IGFBP6: variants seen among roughly 807,000 people sequenced by gnomAD.
IGFBP6 encodes the protein insulin like growth factor binding protein 6.
IGFBP6 carries 24 observed loss-of-function variants against 24.5 expected under a neutral mutation model. The ratio of observed to expected loss-of-function variants is 0.98; its 90% CI spans 0.71 to 1.38. IGFBP6 has a LOEUF of 1.38. IGFBP6 is among the 40% of genes most tolerant of loss of function. IGFBP6 has a pLI of 0.00. For synonymous variants in IGFBP6, 147 were observed against 137.4 expected (o/e 1.07, Z -0.49); for missense variants, 331 against 324.8 (o/e 1.02, Z -0.15).
Position 53,098,036 on chromosome 12 carries a change from G to A in IGFBP6, c.319G>A (p.Ala107Thr), listed in dbSNP as rs1398894982. The stretch of plus-strand genomic sequence containing the variant: ...GCTCGGCCGAGGCCGCTGCCTTCCG[G>A]CCCGCGCGCCTGCTGGTGAGTCCGC... ...LLLGRGRCLP[A>T]RAPAVAEENP... The change falls in exon 1 of 4, where the codon GCC becomes ACC. Residue 107 changes from alanine to threonine, a missense_variant. Coordinates refer to ENST00000301464, the MANE Select transcript of IGFBP6 (RefSeq NM_002178.3). The A allele has an allele frequency of 2.0e-6, 3 of 1,466,528 alleles. No individual in the cohort carries two copies. The highest frequency in any genetic ancestry group is 2.7e-5 in the South Asian group (2 of 73,310). The allele number at this position is 1,466,528 out of a possible 1,614,324, so 90.8% of individuals were successfully genotyped here.
In IGFBP6 at chr12:53,098,015, G is replaced by T. The variant is rs1047815245; in HGVS notation, c.298G>T (p.Gly100Cys). The change falls in exon 1 of 4, where the codon GGC (glycine) becomes TGC (cysteine). Residue 100 changes from glycine (G) to cysteine (C), a missense_variant. Gly to Cys is a radical substitution (Grantham distance 159). Coordinates refer to ENST00000301464, the MANE Select transcript of IGFBP6 (RefSeq NM_002178.3). ...DEAPLRALLL[G>C]RGRCLPARAP... ...GGCGCCTTTGCGGGCGCTGCTGCTC[G>T]GCCGAGGCCGCTGCCTTCCGGCCCG... 1 of 1,501,930 alleles carries T rather than the reference G, an allele frequency of 6.7e-7. No homozygotes were observed. Among genetic ancestry groups the T allele is most frequent in the Non-Finnish European group, 8.8e-7 (1 of 1,133,890 alleles). 93.0% of individuals were successfully genotyped at this position (1,501,930 alleles called of 1,614,324 possible).
In IGFBP6 at chr12:53,102,081, TG is replaced by T; in HGVS notation, c.639del (p.Trp213CysfsTer33). On this transcript the variant is annotated frameshift_variant, in exon 4 of 4. Coordinates refer to ENST00000301464, the MANE Select transcript of IGFBP6 (RefSeq NM_002178.3). LOFTEE classifies it high-confidence loss of function. ...CCAGGGGCAGCGCCGAGGTCCCTGC[TG>T]GTGTGTGGATCGGATGGGCAAGTCC... ...SSQGQRRGPC[W>X]CVDRMGKSLP... 1.2e-6 allele frequency: 2 copies of T among 1,613,986 alleles called. No individual in the cohort carries two copies. Among genetic ancestry groups the T allele is most frequent in the Non-Finnish European group, 1.7e-6 (2 of 1,179,986 alleles).
chr12:53,101,008 G>A, intron 2 of IGFBP6, 33 bp from the exon 3 acceptor site: 1 of 1,609,536 alleles, frequency 6.2e-7, no homozygotes, highest in South Asian at 1.1e-5. Context: ...CTGGGCTGGA[G>A]CGGTTCTAAG....
chr12:53,101,829 G>A (rs567504407), intron 3 of IGFBP6, among the ~76,000 whole-genome samples: 9 of 149,778 alleles, frequency 6.0e-5, no homozygotes, highest in African/African-American at 7.4e-5. Flanking sequence ...AACCTGGGAG[G>A]TGGAGGTTGC....
Position 53,102,125 on chromosome 12 carries a change from T to C in IGFBP6, c.681T>C (p.Asp227=). ...RMGKSLPGSP[D]GNGSSSCPTG... is the part of the protein sequence containing the mutation. ...GCAAGTCCCTGCCAGGGTCTCCAGA[T>C]GGCAATGGAAGCTCCTCCTGCCCCA... is the stretch of plus-strand genomic sequence containing the variant. The change falls in exon 4 of 4, where the codon GAT becomes GAC. Residue 227 remains aspartate, a synonymous_variant. Transcript: ENST00000301464. 6.2e-7 allele frequency: 1 copy of C among 1,613,924 alleles called. No individual in the cohort carries two copies. Among genetic ancestry groups the C allele is most frequent in the Non-Finnish European group, 8.5e-7 (1 of 1,179,956 alleles).
At chr12:53,101,209 G>A (rs777343040) in intron 3 of IGFBP6, 49 bp downstream of exon 3, 10 of 1,600,668 alleles carry the variant, frequency 6.2e-6, no homozygotes, top group Non-Finnish European at 8.6e-6. Context: ...GCTCCTGCCA[G>A]GGAGTGGGGG....
intron 1 of IGFBP6, among the ~76,000 whole-genome samples, chr12:53,099,574 A>T (rs187479804): frequency 6.6e-6 from 1 of 152,010 alleles, no homozygotes; most frequent in Non-Finnish European, 1.5e-5. Context: ...CCCCCCTCCT[A>T]CATCCGTTGC....
chr12:53,101,926 A>ATT, intron 3 of IGFBP6, 119 bp from the exon 4 acceptor site: 2 of 611,730 alleles, frequency 3.3e-6, no homozygotes, highest in Non-Finnish European at 5.3e-6. Context: ...AAAAAAAAAG[A>ATT]GAGGGAACCC....
At chr12:53,101,636 A>T (rs1937829485) in intron 3 of IGFBP6, among the ~76,000 whole-genome samples, 1 of 152,170 alleles carries the variant, frequency 6.6e-6, no homozygotes, top group Non-Finnish European at 1.5e-5. Context: ...GCGGTGTCTC[A>T]TGCCTGTAAT....
At chr12:53,099,130 G>C (rs1256537434) in intron 1 of IGFBP6, 4 of 286,424 alleles carry the variant, frequency 1.4e-5, no homozygotes, top group Admixed American at 4.1e-5. Context: ...CTGGGAGCTT[G>C]TCTTTAGGCA....
rs914364078 is a variant in IGFBP6, at chr12:53,097,700, G to C, written c.-18G>C. 7.8e-6 allele frequency: 12 copies of C among 1,540,466 alleles called. No homozygotes were observed. In the African/African-American group the frequency reaches 9.7e-5, roughly 12 times the overall value. On this transcript the variant is annotated 5_prime_UTR_variant, in exon 1 of 4. Transcript: ENST00000301464. ...TGCGACTGCTCTGGAAGGAGAGGAC[G>C]GGGCACAAACCCTGACCATGACCCC...
At chr12:53,101,681 C>T (rs775088445) in intron 3 of IGFBP6, among the ~76,000 whole-genome samples, 5 of 152,108 alleles carry the variant, frequency 3.3e-5, no homozygotes, top group Middle Eastern at 3.4e-3. Flanking sequence ...TGGTGGATCA[C>T]GAGGTCAGGA....
rs575922668 is a variant in IGFBP6, at chr12:53,100,091, C to T, written c.335-621C>T. On this transcript the variant is annotated intron_variant, in intron 1 of 3. Coordinates refer to ENST00000301464, the MANE Select transcript of IGFBP6 (RefSeq NM_002178.3). ...GCCAGGCTGGTCTCGAACGCCTGACCTCAAGTGATCTGCCCACCTTGGCCT... is the reference window on the plus strand; with the variant it reads ...GCCAGGCTGGTCTCGAACGCCTGACTTCAAGTGATCTGCCCACCTTGGCCT... Among the ~76,000 whole-genome samples the T allele has an allele frequency of 1.1e-4, 17 of 152,236 alleles. 1 individual carries two copies. Among genetic ancestry groups the T allele is most frequent in the African/African-American group, 4.1e-4 (17 of 41,518 alleles).
In IGFBP6 at chr12:53,097,808, G is replaced by A; in HGVS notation, c.91G>A (p.Gly31Ser). 2 of 1,542,742 alleles carry A rather than the reference G, an allele frequency of 1.3e-6. No individual in the cohort carries two copies. The highest frequency in any genetic ancestry group is 2.5e-5 in the East Asian group (1 of 40,798). The change falls in exon 1 of 4, where the codon GGC becomes AGC. Residue 31 changes from glycine (G) to serine (S), a missense_variant. Coordinates refer to ENST00000301464, the MANE Select transcript of IGFBP6 (RefSeq NM_002178.3). ...AGGAGGCGCCTTGGCGCGGTGCCCA[G>A]GCTGCGGGCAAGGGGTGCAGGCGGG... is the stretch of plus-strand genomic sequence containing the variant. ...SPGGALARCP[G>S]CGQGVQAGCP...
At chr12:53,099,161 A>C (rs1937786412) in intron 1 of IGFBP6, 2 of 353,778 alleles carry the variant, frequency 5.7e-6, no homozygotes, top group African/African-American at 2.1e-5. Flanking sequence ...GGATCCCTTC[A>C]GGGGTTCTGA....
intron 3 of IGFBP6, 100 bp from the exon 4 acceptor site, chr12:53,101,945 A>G: frequency 1.1e-6 from 1 of 887,894 alleles, no homozygotes; most frequent in South Asian, 1.8e-5. Context: ...CCCCGAGGAG[A>G]CGCTCAGGTG....
In IGFBP6 at chr12:53,102,260, C is replaced by G; in HGVS notation, c.*93C>G. ...CCGAGGCCCTCAATCCACCTTCAGG[C>G]CCCGCCCCATGGGCCCCTCACCGCT... On this transcript the variant is annotated 3_prime_UTR_variant, in exon 4 of 4. Transcript: ENST00000301464. 1 of 1,449,420 alleles carries G rather than the reference C, an allele frequency of 6.9e-7. No individual in the cohort carries two copies. Among genetic ancestry groups the G allele is most frequent in the South Asian group, 1.3e-5 (1 of 78,942 alleles). 89.8% of individuals were successfully genotyped at this position (1,449,420 alleles called of 1,614,324 possible).
At position 53,097,790 on chromosome 12, in the gene IGFBP6, G is replaced by T; in HGVS notation, c.73G>T (p.Ala25Ser). The T allele has an allele frequency of 6.5e-7, 1 of 1,543,982 alleles. No individual in the cohort carries two copies. The highest frequency in any genetic ancestry group is 8.7e-7 in the Non-Finnish European group (1 of 1,146,018). ...GCTGCTCGCTGCCAGCCCAGGAGGC[G>T]CCTTGGCGCGGTGCCCAGGCTGCGG... ...ALLLAASPGG[A>S]LARCPGCGQG... The change falls in exon 1 of 4, where the codon GCC (alanine) becomes TCC (serine). Residue 25 changes from alanine to serine, a missense_variant. Transcript: ENST00000301464.
rs768063054 is a variant in IGFBP6, at chr12:53,101,052, T to TA, written c.493dup (p.Arg165LysfsTer13). 3.1e-6 allele frequency: 5 copies of TA among 1,613,952 alleles called. No individual in the cohort carries two copies. In the African/African-American group the frequency reaches 6.7e-5, roughly 22 times the overall value. On this transcript the variant is annotated frameshift_variant, in exon 3 of 4. Transcript: ENST00000301464. LOFTEE classifies it high-confidence loss of function. ...TCTCCCTTCCCCAGGGCCCATGCCG[T>TA]AGACATCTGGACTCAGTGCTGCAGC...
Sources: gnomAD v4.1 joint callset for allele counts (sites outside exome capture counted in the v4.1 genomes callset) on GRCh38, gnomAD v4.1.1 for gene constraint, MANE v1.5 for transcripts, NCBI Gene and HGNC (gene_info 2026-07-23, HGNC 2026-07-21) for gene names.